The following KCND2 variants were observed in gnomAD, a reference collection of about 807,000 sequenced individuals.
KCND2 encodes the protein A-type voltage-gated potassium channel KCND2.
A neutral mutation model predicts 54.4 loss-of-function variants in KCND2; 16 were observed. The observed-to-expected ratio is 0.29, with a 90% CI of 0.20 to 0.45. The LOEUF is 0.45. Ranked by LOEUF, KCND2 falls within the 20% of genes least tolerant of loss-of-function variation. KCND2 has a pLI of 1.00. For synonymous variants in KCND2, 317 were observed against 310.7 expected, an observed-to-expected ratio of 1.02 and a Z score of -0.21; for missense variants, 486 against 824.2, an observed-to-expected ratio of 0.59 and a Z score of 5.02.
At chr7:120,699,904 T>C (rs946571309) in intron 1 of KCND2, among the ~76,000 whole-genome samples, 1 of 152,198 alleles carries the variant, frequency 6.6e-6, no homozygotes, top group Non-Finnish European at 1.5e-5. Flanking sequence ...TATACATGTT[T>C]ATGTAAAAGA....
intron 1 of KCND2, among the ~76,000 whole-genome samples, chr7:120,349,654 T>A (rs1800373543): frequency 6.6e-6 from 1 of 152,242 alleles, no homozygotes; most frequent in Admixed American, 6.5e-5. Flanking sequence ...TTTTGTGTTA[T>A]TGAAGATACC....
chr7:120,588,402 A>AGTGTGTGTGTGTGTGTGTGTGTGTGT (rs3993713), intron 1 of KCND2, among the ~76,000 whole-genome samples: 1 of 141,314 alleles, frequency 7.1e-6, no homozygotes, highest in Non-Finnish European at 1.5e-5. Context: ...GCAACTGTGC[A>AGTGTGTGTGTGTGTGTGTGTGTGTGT]GTGTGTGTGT....
At chr7:120,311,526 T>G (rs565831614) in intron 1 of KCND2, among the ~76,000 whole-genome samples, 1 of 152,292 alleles carries the variant, frequency 6.6e-6, no homozygotes, top group Non-Finnish European at 1.5e-5. Flanking sequence ...GACTAATATT[T>G]ATTAACCACA....
intron 1 of KCND2, among the ~76,000 whole-genome samples, chr7:120,593,750 C>T (rs1450492179): frequency 6.6e-6 from 1 of 151,840 alleles, no homozygotes; most frequent in Non-Finnish European, 1.5e-5. Flanking sequence ...CAAATATGGC[C>T]CCACAGAGAG....
chr7:120,712,157 T>A (rs552558046), intron 1 of KCND2, among the ~76,000 whole-genome samples: 2 of 148,400 alleles, frequency 1.3e-5, no homozygotes, highest in Admixed American at 1.4e-4. Context: ...TCGTGGTACG[T>A]CTAATTCTTA....
intron 1 of KCND2, among the ~76,000 whole-genome samples, chr7:120,335,913 T>C (rs904115003): frequency 6.6e-6 from 1 of 152,252 alleles, no homozygotes; most frequent in Non-Finnish European, 1.5e-5. Flanking sequence ...TAGGTTCTTT[T>C]AAATATTTTT....
chr7:120,305,612 A>G (rs1799640197), intron 1 of KCND2, among the ~76,000 whole-genome samples: 1 of 152,080 alleles, frequency 6.6e-6, no homozygotes, highest in South Asian at 2.1e-4. Context: ...TTCCTATTCA[A>G]AATCCTCAGT....
chr7:120,312,960 A>G (rs550333947), intron 1 of KCND2, among the ~76,000 whole-genome samples: 1 of 152,204 alleles, frequency 6.6e-6, no homozygotes, highest in South Asian at 2.1e-4. Context: ...TAGCTCTGAC[A>G]GCATTACCCA....
intron 1 of KCND2, among the ~76,000 whole-genome samples, chr7:120,559,719 C>A (rs1792210340): frequency 6.6e-6 from 1 of 152,096 alleles, no homozygotes; most frequent in African/African-American, 2.4e-5. Flanking sequence ...GAGCACAGGG[C>A]AGATTCCAGT....
In KCND2 at chr7:120,333,601, G is replaced by T. The variant is rs1800099733; in HGVS notation, c.1115+57854G>T. ...CGTAAGAAAAATTCAATAAAAATTT[G>T]TGGAAATGATTTTAATATAATAATT... On this transcript the variant is annotated intron_variant, in intron 1 of 5. Coordinates refer to ENST00000331113, the MANE Select transcript of KCND2 (RefSeq NM_012281.3). Among the ~76,000 whole-genome samples the T allele has an allele frequency of 2.0e-5, 3 of 152,152 alleles. 1 individual carries two copies. The highest frequency in any genetic ancestry group is 6.8e-3 in the Middle Eastern group (2 of 294).
chr7:120,354,283 T>C lies in KCND2; in HGVS notation c.1115+78536T>C, dbSNP rs761885312. 9.2e-5 allele frequency among the ~76,000 whole-genome samples: 14 copies of C among 152,214 alleles called. 1 individual carries two copies. Among genetic ancestry groups the C allele is most frequent in the Non-Finnish European group, 1.6e-4 (11 of 68,032 alleles). On this transcript the variant is annotated intron_variant, in intron 1 of 5. Transcript: ENST00000331113. ...TTCCAATATTCAAGGACTTTTTTGA[T>C]AATATTGGTGGTGATGTTGAAGATG...
chr7:120,495,075 T>TAAA (rs1429532131), intron 1 of KCND2, among the ~76,000 whole-genome samples: 1 of 152,204 alleles, frequency 6.6e-6, no homozygotes, highest in Non-Finnish European at 1.5e-5. Context: ...TTAATAATAA[T>TAAA]AAACCTGGAT....
rs3993713 is a variant in KCND2, at chr7:120,588,402, A to AGTGTGTGTGTGTGTGT, written c.1116-144476_1116-144461dup. On this transcript the variant is annotated intron_variant, in intron 1 of 5. Transcript: ENST00000331113. Reference sequence around the variant, plus strand: ...GAATAATAGAGGGAGGCAACTGTGCAGTGTGTGTGTGTGTGTGTGTGTGTG... The same window carrying AGTGTGTGTGTGTGTGT: ...GAATAATAGAGGGAGGCAACTGTGCAGTGTGTGTGTGTGTGTGTGTGTGTGTGTGTGTGTGTGTGTG... Among the ~76,000 whole-genome samples the AGTGTGTGTGTGTGTGT allele has an allele frequency of 6.6e-3, 930 of 141,398 alleles. 11 individuals are homozygous for AGTGTGTGTGTGTGTGT. Among genetic ancestry groups the AGTGTGTGTGTGTGTGT allele is most frequent in the Middle Eastern group, 0.014 (4 of 282 alleles). The allele number at this position is 141,398 out of a possible 152,430, so 92.8% of individuals were successfully genotyped here.
At chr7:120,638,988 G>A (rs1198938952) in intron 1 of KCND2, among the ~76,000 whole-genome samples, 1 of 152,114 alleles carries the variant, frequency 6.6e-6, no homozygotes, top group African/African-American at 2.4e-5. Context: ...CCTCTTCAGT[G>A]ATATTCTCCT....
chr7:120,632,505 T>C lies in KCND2; in HGVS notation c.1116-100398T>C, dbSNP rs1249711153. ...AGTTATTTGGGGAATGAAAAGTACATACTGAAAGTATCTTTTACTACTGAT... is the reference window on the plus strand; with the variant it reads ...AGTTATTTGGGGAATGAAAAGTACACACTGAAAGTATCTTTTACTACTGAT... On this transcript the variant is annotated intron_variant, in intron 1 of 5. Coordinates refer to ENST00000331113, the MANE Select transcript of KCND2 (RefSeq NM_012281.3). Among the ~76,000 whole-genome samples, 5 of 152,212 alleles carry C rather than the reference T, an allele frequency of 3.3e-5. No individual in the cohort carries two copies. In the South Asian group the frequency reaches 6.2e-4, roughly 19 times the overall value.
intron 1 of KCND2, among the ~76,000 whole-genome samples, chr7:120,661,256 TTTTTTTAAAATAATAAAATATTCTAA>T: frequency 8.3e-6 from 1 of 120,824 alleles, no homozygotes; most frequent in East Asian, 2.0e-4. Context: ...TGAACTGTTA[TTTTTTTAAAATAATAAAATATTCTAA>T]CGCATCATTA....
intron 1 of KCND2, among the ~76,000 whole-genome samples, chr7:120,447,753 C>A (rs1563049096): frequency 1.3e-5 from 2 of 152,234 alleles, no homozygotes; most frequent in Non-Finnish European, 2.9e-5. Context: ...TTAGTATTCT[C>A]AAATGAATAT....
intron 1 of KCND2, among the ~76,000 whole-genome samples, chr7:120,625,781 A>T (rs1793156660): frequency 6.6e-6 from 1 of 152,086 alleles, no homozygotes; most frequent in African/African-American, 2.4e-5. Context: ...TATGTCAGAC[A>T]AAAAGAACAA....
At chr7:120,583,349 G>A (rs1239678804) in intron 1 of KCND2, among the ~76,000 whole-genome samples, 1 of 152,048 alleles carries the variant, frequency 6.6e-6, no homozygotes, top group Non-Finnish European at 1.5e-5. Context: ...ATTTTATAAT[G>A]TGGATATAAT....
Sources: allele counts gnomAD v4.1 joint callset (sites outside exome capture counted in the v4.1 genomes callset), GRCh38; gene constraint gnomAD v4.1.1; transcripts MANE v1.5; gene names NCBI Gene and HGNC (gene_info 2026-07-23, HGNC 2026-07-21).